KCNIP4: variants seen among roughly 807,000 people sequenced by gnomAD.
The protein encoded by KCNIP4 is Kv channel-interacting protein 4.
Under a neutral mutation model 34.0 loss-of-function variants are expected in KCNIP4, and 12 were observed. The observed-to-expected ratio is 0.35, with a 90% CI of 0.23 to 0.57. The LOEUF is 0.57. Among genes scored for constraint, KCNIP4 ranks in the 20% least tolerant of loss-of-function variants. KCNIP4 has a pLI of 0.83. For synonymous variants in KCNIP4, 124 were observed against 102.2 expected, an observed-to-expected ratio of 1.21 and a Z score of -1.29; for missense variants, 238 against 311.7, an observed-to-expected ratio of 0.76 and a Z score of 1.78.
chr4:21,092,568 C>T (rs942011342), intron 1 of KCNIP4, among the ~76,000 whole-genome samples: 1 of 152,184 alleles, frequency 6.6e-6, no homozygotes, highest in African/African-American at 2.4e-5. Context: ...TCTGTGGTGA[C>T]TCCTTCTTCC....
chr4:21,578,719 T>C (rs1190490854), intron 1 of KCNIP4, among the ~76,000 whole-genome samples: 1 of 152,110 alleles, frequency 6.6e-6, no homozygotes, highest in African/African-American at 2.4e-5. Flanking sequence ...CACATGTGTT[T>C]CTTCTACCTC....
chr4:21,862,904 T>C (rs1279529322), intron 1 of KCNIP4, among the ~76,000 whole-genome samples: 1 of 148,498 alleles, frequency 6.7e-6, no homozygotes, highest in East Asian at 2.0e-4. Context: ...GAGCTTGCAG[T>C]GAGCCCAGAT....
chr4:21,137,891 T>TTTTTTG (rs397992493), intron 1 of KCNIP4, among the ~76,000 whole-genome samples: 1 of 147,410 alleles, frequency 6.8e-6, no homozygotes, highest in African/African-American at 2.5e-5. Context: ...TTTTTTTTTT[T>TTTTTTG]GATGGAGTCT....
chr4:21,886,859 C>T (rs896993453), intron 1 of KCNIP4, among the ~76,000 whole-genome samples: 1 of 151,884 alleles, frequency 6.6e-6, no homozygotes, highest in Admixed American at 6.6e-5. Flanking sequence ...TTAAGATGTT[C>T]GTTATATTAG....
chr4:21,588,810 T>A lies in KCNIP4; in HGVS notation c.61+359761A>T, dbSNP rs570765388. 6.8e-3 allele frequency among the ~76,000 whole-genome samples: 1,041 copies of A among 152,018 alleles called. 10 individuals are homozygous for A. Among genetic ancestry groups the A allele is most frequent in the African/African-American group, 0.024 (976 of 41,516 alleles). The stretch of plus-strand genomic sequence containing the variant: ...TTCTAATTGTGTAAATGTTCCTATT[T>A]TTTTTGTATATCATAGTATTTGTAA... On this transcript the variant is annotated intron_variant, in intron 1 of 8. Transcript: ENST00000382152.
intron 1 of KCNIP4, among the ~76,000 whole-genome samples, chr4:21,704,227 GA>G (rs569058909): frequency 1.3e-5 from 2 of 150,120 alleles, no homozygotes; most frequent in African/African-American, 2.4e-5. Context: ...TAAAGTTTTA[GA>G]AAAAAAAAGA....
chr4:21,480,646 T>C (rs1731342068), intron 1 of KCNIP4, among the ~76,000 whole-genome samples: 1 of 152,220 alleles, frequency 6.6e-6, no homozygotes, highest in South Asian at 2.1e-4. Flanking sequence ...GCAATAGCCA[T>C]ACAGAAAATA....
At chr4:21,044,318 T>G (rs1742240676) in intron 1 of KCNIP4, among the ~76,000 whole-genome samples, 1 of 152,034 alleles carries the variant, frequency 6.6e-6, no homozygotes, top group African/African-American at 2.4e-5. Context: ...CCCACAATTT[T>G]TTTTTTCTTT....
At chr4:21,308,947 C>G (rs1412649090) in intron 1 of KCNIP4, among the ~76,000 whole-genome samples, 2 of 129,724 alleles carry the variant, frequency 1.5e-5, no homozygotes, top group Admixed American at 8.1e-5. Context: ...TATCTCTTGC[C>G]TGTCCCCAGA....
chr4:20,906,493 T>C (rs143468061), intron 1 of KCNIP4, among the ~76,000 whole-genome samples: 70 of 152,302 alleles, frequency 4.6e-4, no homozygotes, highest in African/African-American at 1.6e-3. Flanking sequence ...ATGTCTGCCT[T>C]GCCAGGAACT....
At chr4:21,336,282 A>G (rs1716173244) in intron 1 of KCNIP4, among the ~76,000 whole-genome samples, 1 of 152,030 alleles carries the variant, frequency 6.6e-6, no homozygotes, top group Admixed American at 6.6e-5. Flanking sequence ...TGCTACCACA[A>G]ACACTTTAGC....
At chr4:20,745,868 C>T (rs1021439413) in intron 5 of KCNIP4, among the ~76,000 whole-genome samples, 1 of 152,052 alleles carries the variant, frequency 6.6e-6, no homozygotes, top group African/African-American at 2.4e-5. Context: ...ATGTAGTTGC[C>T]TTACTGGGTA....
chr4:21,107,371 T>C (rs2109088971), intron 1 of KCNIP4, among the ~76,000 whole-genome samples: 1 of 147,510 alleles, frequency 6.8e-6, no homozygotes, highest in East Asian at 2.0e-4. Flanking sequence ...TTTGTCTCTT[T>C]TGATCTTTGC....
At chr4:21,404,313 A>T (rs1394133506) in intron 1 of KCNIP4, among the ~76,000 whole-genome samples, 1 of 152,206 alleles carries the variant, frequency 6.6e-6, no homozygotes, top group Non-Finnish European at 1.5e-5. Flanking sequence ...TTAGAATACA[A>T]GCTCCTTGTT....
chr4:21,468,407 C>T (rs1314403923), intron 1 of KCNIP4, among the ~76,000 whole-genome samples: 1 of 152,190 alleles, frequency 6.6e-6, no homozygotes, highest in African/African-American at 2.4e-5. Context: ...GCAAGAAAGA[C>T]TGCTCGCAAT....
intron 1 of KCNIP4, among the ~76,000 whole-genome samples, chr4:21,720,297 A>G (rs1336388578): frequency 1.3e-5 from 2 of 152,230 alleles, no homozygotes; most frequent in African/African-American, 4.8e-5. Flanking sequence ...CATGTAAAAT[A>G]TAAATTGAAA....
At chr4:21,342,168 C>A (rs1174190511) in intron 1 of KCNIP4, among the ~76,000 whole-genome samples, 1 of 151,942 alleles carries the variant, frequency 6.6e-6, no homozygotes, top group African/African-American at 2.4e-5. Context: ...AGAAAAGAGA[C>A]AAGATTGTGA....
chr4:21,337,623 T>C (rs1400191708), intron 1 of KCNIP4, among the ~76,000 whole-genome samples: 1 of 152,186 alleles, frequency 6.6e-6, no homozygotes, highest in Non-Finnish European at 1.5e-5. Context: ...AGTACAAACT[T>C]CTTTTTTTAT....
At chr4:20,955,024 A>G (rs1204561886) in intron 1 of KCNIP4, among the ~76,000 whole-genome samples, 1 of 152,118 alleles carries the variant, frequency 6.6e-6, no homozygotes, top group Non-Finnish European at 1.5e-5. Flanking sequence ...TGAATTTGGC[A>G]TGGAGGGGAG....
Sources: allele counts gnomAD v4.1 joint callset (sites outside exome capture counted in the v4.1 genomes callset), GRCh38; gene constraint gnomAD v4.1.1; transcripts MANE v1.5; gene names NCBI Gene and HGNC (gene_info 2026-07-23, HGNC 2026-07-21).